The following NRXN1 variants were observed in gnomAD, a reference collection of about 807,000 sequenced individuals.
NRXN1 encodes the protein neurexin-1.
In NRXN1, 39 loss-of-function variants were observed where a neutral mutation model predicts 150.9. That is an observed-to-expected ratio of 0.26 (90% CI 0.20 to 0.34). The LOEUF (loss-of-function observed/expected upper bound fraction) is 0.34. Ranked by LOEUF, NRXN1 falls within the 10% of genes least tolerant of loss-of-function variation. The pLI is 1.00. For missense variants in NRXN1, 1,815 were observed against 1,949.9 expected, an observed-to-expected ratio of 0.93 and a Z score of 1.30; for synonymous variants, 924 against 757.0, an observed-to-expected ratio of 1.22 and a Z score of -3.62.
intron 22 of NRXN1, among the ~76,000 whole-genome samples, chr2:49,927,622 A>G (rs903183922): frequency 6.6e-6 from 1 of 152,184 alleles, no homozygotes; most frequent in Non-Finnish European, 1.5e-5. Flanking sequence ...GGAAACAGCA[A>G]TCAATTATTG....
At chr2:50,447,544 T>G (rs1465048016) in intron 17 of NRXN1, among the ~76,000 whole-genome samples, 1 of 144,352 alleles carries the variant, frequency 6.9e-6, no homozygotes, top group African/African-American at 2.6e-5. Context: ...GAAATCAAAT[T>G]CATATATATA....
chr2:50,503,903 C>T (rs973880860), intron 13 of NRXN1, among the ~76,000 whole-genome samples: 2 of 151,956 alleles, frequency 1.3e-5, no homozygotes, highest in African/African-American at 2.4e-5. Context: ...ACATGGGCAG[C>T]GTATGCCCCA....
At chr2:50,430,342 C>A (rs1179109202) in intron 17 of NRXN1, among the ~76,000 whole-genome samples, 2 of 151,148 alleles carry the variant, frequency 1.3e-5, no homozygotes, top group Admixed American at 1.3e-4. Flanking sequence ...TAGAAAAAAA[C>A]AGCAAGCCAA....
chr2:50,219,965 A>ATATAT (rs1553776276), intron 18 of NRXN1, among the ~76,000 whole-genome samples: 1,071 of 56,410 alleles, frequency 0.019, 39 homozygotes, highest in African/African-American at 0.1. Context: ...TATATATATT[A>ATATAT]TATATATATA....
rs1667696872 is a variant in NRXN1, at chr2:49,918,578, T to G, written c.*3366A>C. The G allele has an allele frequency of 6.6e-6, 1 of 152,110 alleles. No homozygotes were observed. The highest frequency in any genetic ancestry group is 2.4e-5 in the African/African-American group (1 of 41,438). 9.4% of individuals were successfully genotyped at this position (152,110 alleles called of 1,614,324 possible). A position where few individuals can be genotyped will look rare whatever the true frequency, so the allele number is the denominator to read the frequency against. On this transcript the variant is annotated 3_prime_UTR_variant, in exon 23 of 23. Transcript: ENST00000401669. ...TTGTCTTTTATAGAGAAAAAGCATA[T>G]TTATGAAATTAGTATTTTAATATTG...
intron 2 of NRXN1, among the ~76,000 whole-genome samples, chr2:50,955,411 ATC>A (rs1692121144): frequency 6.6e-6 from 1 of 152,244 alleles, no homozygotes; most frequent in Non-Finnish European, 1.5e-5. Context: ...TAATGCAATG[ATC>A]CATTTAGCCA....
In NRXN1 at chr2:49,920,688, C is replaced by G. The variant is rs1408008314; in HGVS notation, c.*1256G>C. On this transcript the variant is annotated 3_prime_UTR_variant, in exon 23 of 23. Coordinates refer to ENST00000401669, the MANE Select transcript of NRXN1 (RefSeq NM_001330078.2). ...ATCTTCCAGCATATCTGATGGATTG[C>G]TGTGGATTCGTGTGTGTGTGTGTGT... 7.2e-6 allele frequency: 1 copy of G among 138,074 alleles called. No homozygotes were observed. Among genetic ancestry groups the G allele is most frequent in the Non-Finnish European group, 1.5e-5 (1 of 64,700 alleles). 8.6% of individuals were successfully genotyped at this position (138,074 alleles called of 1,614,324 possible). A position where few individuals can be genotyped will look rare whatever the true frequency, so the allele number is the denominator to read the frequency against.
chr2:50,852,954 G>T (rs1045989067), intron 5 of NRXN1, among the ~76,000 whole-genome samples: 1 of 152,120 alleles, frequency 6.6e-6, no homozygotes, highest in Non-Finnish European at 1.5e-5. Context: ...CTAAGAAGCA[G>T]ACAGCTGTTA....
intron 5 of NRXN1, among the ~76,000 whole-genome samples, chr2:50,740,867 A>T (rs950053464): frequency 6.6e-5 from 10 of 152,164 alleles, no homozygotes; most frequent in African/African-American, 2.2e-4. Flanking sequence ...TCACTTTTGG[A>T]GTATCTGTCA....
intron 5 of NRXN1, among the ~76,000 whole-genome samples, chr2:50,747,710 C>T (rs1349322343): frequency 1.3e-5 from 2 of 152,070 alleles, no homozygotes; most frequent in Non-Finnish European, 2.9e-5. Context: ...GGATTTTCTA[C>T]ATGAGTAATA....
intron 5 of NRXN1, among the ~76,000 whole-genome samples, chr2:50,808,358 T>C (rs1667785182): frequency 6.6e-6 from 1 of 152,146 alleles, no homozygotes; most frequent in Non-Finnish European, 1.5e-5. Flanking sequence ...AAAAGGCTAA[T>C]ATATTTCAAT....
intron 21 of NRXN1, among the ~76,000 whole-genome samples, chr2:49,968,600 T>A (rs1231812700): frequency 3.3e-5 from 5 of 152,030 alleles, no homozygotes; most frequent in Admixed American, 2.6e-4. Flanking sequence ...GTAGCCTACC[T>A]GATTTGACCT....
intron 2 of NRXN1, chr2:50,964,092 T>A: frequency 3.2e-6 from 1 of 312,846 alleles, no homozygotes; most frequent in East Asian, 7.8e-5. Context: ...ATTTAGTGTA[T>A]GTTATTTCGA....
At chr2:50,667,560 G>C (rs1415251387) in intron 5 of NRXN1, among the ~76,000 whole-genome samples, 2 of 151,952 alleles carry the variant, frequency 1.3e-5, no homozygotes, top group Non-Finnish European at 2.9e-5. Flanking sequence ...TAAATGGGAT[G>C]AGCAAAGGAA....
intron 18 of NRXN1, among the ~76,000 whole-genome samples, chr2:50,107,745 T>TCA (rs1444807057): frequency 2.0e-5 from 3 of 151,948 alleles, no homozygotes; most frequent in African/African-American, 4.8e-5. Context: ...AGTTTATGTC[T>TCA]CAGTTAATAA....
intron 17 of NRXN1, among the ~76,000 whole-genome samples, chr2:50,265,767 A>T (rs1183879987): frequency 6.6e-6 from 1 of 151,966 alleles, no homozygotes; most frequent in African/African-American, 2.4e-5. Context: ...TCCTCACCAC[A>T]CTCATTCACA....
At chr2:50,513,189 C>G (rs1197771589) in intron 12 of NRXN1, among the ~76,000 whole-genome samples, 1 of 152,104 alleles carries the variant, frequency 6.6e-6, no homozygotes, top group African/African-American at 2.4e-5. Flanking sequence ...TTTGTGTAAT[C>G]TCAATGAATA....
chr2:50,583,063 C>G (rs75442225), intron 8 of NRXN1, among the ~76,000 whole-genome samples: 1 of 139,678 alleles, frequency 7.2e-6, no homozygotes, highest in Non-Finnish European at 1.6e-5. Context: ...TTTTTTTTTT[C>G]TTTTAGAGAC....
intron 18 of NRXN1, among the ~76,000 whole-genome samples, chr2:50,137,987 G>A (rs1308401714): frequency 6.6e-6 from 1 of 152,090 alleles, no homozygotes; most frequent in Non-Finnish European, 1.5e-5. Flanking sequence ...GACTGGACTT[G>A]TATAATTTTA....
Sources: gnomAD v4.1 joint callset for allele counts (sites outside exome capture counted in the v4.1 genomes callset) on GRCh38, gnomAD v4.1.1 for gene constraint, MANE v1.5 for transcripts, NCBI Gene and HGNC (gene_info 2026-07-23, HGNC 2026-07-21) for gene names.